The following RUNDC3B variants were observed in gnomAD, a reference collection of about 807,000 sequenced individuals.
RUNDC3B encodes RUN domain-containing protein 3B.
RUNDC3B carries 33 observed loss-of-function variants against 58.4 expected under a neutral mutation model. The ratio of observed to expected loss-of-function variants is 0.56; its 90% CI spans 0.43 to 0.75. RUNDC3B has a LOEUF of 0.75. RUNDC3B is among the 30% of genes least tolerant of loss of function. The pLI is 0.00. For synonymous variants in RUNDC3B, 193 were observed against 195.2 expected, an observed-to-expected ratio of 0.99 and a Z score of 0.10; for missense variants, 501 against 535.7, an observed-to-expected ratio of 0.94 and a Z score of 0.64.
intron 2 of RUNDC3B, among the ~76,000 whole-genome samples, chr7:87,694,234 G>C (rs1828292680): frequency 6.6e-6 from 1 of 152,042 alleles, no homozygotes; most frequent in South Asian, 2.1e-4. Context: ...GTGTGAAGTA[G>C]CAGCTCAGGG....
At chr7:87,765,107 GATAATCTTTT>G (rs1468167048) in intron 6 of RUNDC3B, among the ~76,000 whole-genome samples, 1 of 151,776 alleles carries the variant, frequency 6.6e-6, no homozygotes, top group Admixed American at 6.6e-5. Flanking sequence ...AAAAATCTTT[GATAATCTTTT>G]GTATTTCTGC....
At chr7:87,732,612 C>A (rs938686519) in intron 4 of RUNDC3B, among the ~76,000 whole-genome samples, 1 of 152,124 alleles carries the variant, frequency 6.6e-6, no homozygotes, top group Non-Finnish European at 1.5e-5. Flanking sequence ...AAATAACAGA[C>A]ACACACAAGA....
chr7:87,818,510 C>A (rs1401937282), intron 10 of RUNDC3B, among the ~76,000 whole-genome samples: 2 of 152,144 alleles, frequency 1.3e-5, no homozygotes, highest in South Asian at 2.1e-4. Flanking sequence ...GAATTTTGGA[C>A]AGTTGAGACA....
chr7:87,714,273 G>T (rs1370178219), intron 4 of RUNDC3B, among the ~76,000 whole-genome samples: 1 of 152,116 alleles, frequency 6.6e-6, no homozygotes, highest in East Asian at 1.9e-4. Flanking sequence ...CTGGGTCCAG[G>T]GGGGTCACTA....
intron 1 of RUNDC3B, among the ~76,000 whole-genome samples, chr7:87,631,583 C>G (rs1292426181): frequency 6.6e-6 from 1 of 152,092 alleles, no homozygotes; most frequent in African/African-American, 2.4e-5. Flanking sequence ...TTAGTAGAGA[C>G]GGGGTTTCAC....
intron 10 of RUNDC3B, among the ~76,000 whole-genome samples, chr7:87,816,751 G>A (rs1052400614): frequency 2.0e-5 from 3 of 152,136 alleles, no homozygotes; most frequent in African/African-American, 7.2e-5. Context: ...GCTTTCAGAT[G>A]TGCAATATCA....
At chr7:87,648,807 A>G (rs370281283) in intron 1 of RUNDC3B, among the ~76,000 whole-genome samples, 1 of 152,126 alleles carries the variant, frequency 6.6e-6, no homozygotes, top group East Asian at 1.9e-4. Flanking sequence ...ATTATTTTGC[A>G]TGGTTTCAAC....
chr7:87,796,500 A>T lies in RUNDC3B; in HGVS notation c.957-10873A>T, dbSNP rs371321225. Among the ~76,000 whole-genome samples, 4 of 152,298 alleles carry T rather than the reference A, an allele frequency of 2.6e-5. No individual in the cohort carries two copies. The East Asian group carries it at 5.8e-4, about 22-fold the overall frequency. ...ACATAAAGGATAAAAGTTTAAGGGG[A>T]TGGCCCTACTCTTCATGATGTGATT... On this transcript the variant is annotated intron_variant, in intron 8 of 10. Coordinates refer to ENST00000394654, the MANE Select transcript of RUNDC3B (RefSeq NM_001134405.2).
In RUNDC3B at chr7:87,702,394, T is replaced by A. The variant is rs1351004694; in HGVS notation, c.372+1840T>A. On this transcript the variant is annotated intron_variant, in intron 3 of 10. Transcript: ENST00000394654. ...CCTAGGCTCAAGTGATCCTCCAACC[T>A]CAGCTTCCTGAGTAGCTGGGACTAC... is the stretch of plus-strand genomic sequence containing the variant. Among the ~76,000 whole-genome samples the A allele has an allele frequency of 2.0e-5, 3 of 151,978 alleles. No homozygotes were observed. In the East Asian group the frequency reaches 5.8e-4, roughly 29 times the overall value.
At chr7:87,642,189 A>G (rs1389681455) in intron 1 of RUNDC3B, among the ~76,000 whole-genome samples, 2 of 152,000 alleles carry the variant, frequency 1.3e-5, no homozygotes, top group East Asian at 3.8e-4. Flanking sequence ...AAACATATAT[A>G]TATATTTTTA....
intron 1 of RUNDC3B, among the ~76,000 whole-genome samples, chr7:87,644,705 T>G (rs1243903992): frequency 6.6e-6 from 1 of 152,074 alleles, no homozygotes; most frequent in Non-Finnish European, 1.5e-5. Flanking sequence ...AATATATGCT[T>G]GTTGTAAAGG....
At chr7:87,731,649 A>G (rs1831584394) in intron 4 of RUNDC3B, among the ~76,000 whole-genome samples, 1 of 152,250 alleles carries the variant, frequency 6.6e-6, no homozygotes, top group Non-Finnish European at 1.5e-5. Context: ...AGATTTTAAG[A>G]CAAAGACTAT....
In RUNDC3B at chr7:87,830,366, G is replaced by C. The variant is rs1838067206; in HGVS notation, c.*336G>C. ...ATATTTAAATACACCTTAGTGGCCA[G>C]AGACTGACTTCAAGGTTTTATTCCA... On this transcript the variant is annotated 3_prime_UTR_variant, in exon 11 of 11. Transcript: ENST00000394654. 1 of 153,632 alleles carries C rather than the reference G, an allele frequency of 6.5e-6. No individual in the cohort carries two copies. The highest frequency in any genetic ancestry group is 2.1e-4 in the South Asian group (1 of 4,840). The allele number at this position is 153,632 out of a possible 1,614,324, so 9.5% of individuals were successfully genotyped here.
intron 10 of RUNDC3B, among the ~76,000 whole-genome samples, chr7:87,821,736 G>A (rs1173808600): frequency 6.6e-5 from 10 of 151,474 alleles, no homozygotes; most frequent in South Asian, 6.3e-4. Flanking sequence ...AAATAATGCC[G>A]CATATCTACA....
rs1563240437 is a variant in RUNDC3B at position 87,829,889 on chromosome 7, G to C, written c.1230G>C (p.Lys410Asn). The change falls in exon 11 of 11, where the codon AAG becomes AAC. Residue 410 changes from lysine to asparagine, a missense_variant. Transcript: ENST00000394654. ...CTATTTAATTCTAATTTTCAGGTAA[G>C]GAAGATACTCCCTCATTACTTGGCC... Reference protein sequence around the residue: ...QDTLNVMSEGKEDTPSLLGLC... With the variant: ...QDTLNVMSEGNEDTPSLLGLC... 1.3e-6 allele frequency: 2 copies of C among 1,597,146 alleles called. No individual in the cohort carries two copies.
intron 6 of RUNDC3B, among the ~76,000 whole-genome samples, chr7:87,749,725 A>G (rs1832851149): frequency 6.6e-6 from 1 of 152,152 alleles, no homozygotes; most frequent in South Asian, 2.1e-4. Context: ...TAGAAAAATT[A>G]TAAAATAAAT....
intron 2 of RUNDC3B, among the ~76,000 whole-genome samples, chr7:87,658,985 C>G (rs982206979): frequency 6.6e-6 from 1 of 152,138 alleles, no homozygotes; most frequent in Non-Finnish European, 1.5e-5. Context: ...AACCCTGTCT[C>G]TACAAAATAT....
At chr7:87,769,628 G>A (rs1027701915) in intron 6 of RUNDC3B, among the ~76,000 whole-genome samples, 7 of 151,684 alleles carry the variant, frequency 4.6e-5, no homozygotes, top group African/African-American at 1.5e-4. Context: ...ATTAACACCA[G>A]TATTTTTCTT....
chr7:87,643,957 C>A (rs543528126), intron 1 of RUNDC3B, among the ~76,000 whole-genome samples: 109 of 152,312 alleles, frequency 7.2e-4, no homozygotes, highest in Non-Finnish European at 1.2e-3. Context: ...CTCCCAGGTT[C>A]AAGTGATTCG....
Sources: allele counts gnomAD v4.1 joint callset (sites outside exome capture counted in the v4.1 genomes callset), GRCh38; gene constraint gnomAD v4.1.1; transcripts MANE v1.5; gene names NCBI Gene and HGNC (gene_info 2026-07-23, HGNC 2026-07-21).